SAMMSON: variants seen among roughly 807,000 people sequenced by gnomAD.
The protein encoded by SAMMSON is survival associated mitochondrial melanoma specific oncogenic non-coding RNA.
intron 4 of SAMMSON, among the ~76,000 whole-genome samples, chr3:70,163,311 C>CTA (rs1210395270): frequency 1.4e-5 from 2 of 146,708 alleles, no homozygotes; most frequent in African/African-American, 2.5e-5. Flanking sequence ...TAAATCAGAA[C>CTA]TATATATATA....
intron 6 of SAMMSON, among the ~76,000 whole-genome samples, chr3:70,253,740 C>T (rs1701790398): frequency 6.6e-6 from 1 of 151,764 alleles, no homozygotes. Flanking sequence ...AGTAAAAATA[C>T]AAATAAAAAA....
intron 6 of SAMMSON, among the ~76,000 whole-genome samples, chr3:70,287,383 C>G (rs998655249): frequency 5.3e-5 from 8 of 150,884 alleles, no homozygotes; most frequent in African/African-American, 2.0e-4. Flanking sequence ...TATATTGAAC[C>G]AGCCTTGCAT....
intron 2 of SAMMSON, among the ~76,000 whole-genome samples, chr3:70,405,663 A>C (rs1162704937): frequency 4.6e-5 from 7 of 152,344 alleles, no homozygotes; most frequent in African/African-American, 1.7e-4. Context: ...TTAAGAACAA[A>C]AAGCTTGAAG....
chr3:70,069,387 T>A (rs1419601649), intron 3 of SAMMSON: 1 of 152,164 alleles, frequency 6.6e-6, no homozygotes, highest in African/African-American at 2.4e-5. Context: ...ACCTGACTTC[T>A]ACCTTTTAAG....
chr3:70,211,265 C>G (rs1406873642), intron 4 of SAMMSON, among the ~76,000 whole-genome samples: 1 of 149,106 alleles, frequency 6.7e-6, no homozygotes, highest in Non-Finnish European at 1.5e-5. Context: ...GCTTTTCTTT[C>G]TCCATTCCCT....
chr3:70,223,868 C>T (rs1701480695), intron 4 of SAMMSON, among the ~76,000 whole-genome samples: 1 of 151,996 alleles, frequency 6.6e-6, no homozygotes, highest in African/African-American at 2.4e-5. Context: ...TTTTTTCTCC[C>T]TTTATCGTGC....
At chr3:70,254,068 A>G (rs1354814000) in intron 6 of SAMMSON, among the ~76,000 whole-genome samples, 1 of 152,182 alleles carries the variant, frequency 6.6e-6, no homozygotes, top group Admixed American at 6.5e-5. Context: ...GTTATTTAGT[A>G]GGCATATTTA....
chr3:70,115,738 C>G (rs903554967), intron 4 of SAMMSON, among the ~76,000 whole-genome samples: 2 of 151,994 alleles, frequency 1.3e-5, no homozygotes, highest in African/African-American at 4.8e-5. Context: ...TATTCTTGTC[C>G]CAACCTAGTT....
chr3:70,416,708 C>T (rs1256235615), intron 2 of SAMMSON, among the ~76,000 whole-genome samples: 2 of 152,048 alleles, frequency 1.3e-5, no homozygotes, highest in African/African-American at 4.8e-5. Context: ...TCACCCCACC[C>T]TCATCTTAAA....
At chr3:70,201,686 C>T (rs1291912031) in intron 4 of SAMMSON, among the ~76,000 whole-genome samples, 1 of 152,184 alleles carries the variant, frequency 6.6e-6, no homozygotes, top group Non-Finnish European at 1.5e-5. Context: ...AGGAATCCAA[C>T]CTGCCTTCCA....
At chr3:70,163,795 CA>C (rs2067626015) in intron 4 of SAMMSON, among the ~76,000 whole-genome samples, 1 of 151,896 alleles carries the variant, frequency 6.6e-6, no homozygotes, top group Admixed American at 6.6e-5. Flanking sequence ...CTGAAGTTCC[CA>C]AATTGAAGTT....
At chr3:70,195,905 A>G (rs1436206545) in intron 4 of SAMMSON, among the ~76,000 whole-genome samples, 1 of 152,194 alleles carries the variant, frequency 6.6e-6, no homozygotes, top group African/African-American at 2.4e-5. Flanking sequence ...TTTTTCTTAA[A>G]AAAATAAGTA....
chr3:70,360,470 G>T (rs1012911954), intron 9 of SAMMSON, among the ~76,000 whole-genome samples: 2 of 152,012 alleles, frequency 1.3e-5, no homozygotes, highest in African/African-American at 4.8e-5. Context: ...TTAAACTGAG[G>T]CACCAGGGGA....
intron 2 of SAMMSON, among the ~76,000 whole-genome samples, chr3:70,418,405 C>A (rs73837924): frequency 6.6e-6 from 1 of 152,152 alleles, no homozygotes; most frequent in Non-Finnish European, 1.5e-5. Flanking sequence ...TGTATTATCT[C>A]GGAATGGGGT....
At position 70,410,060 on chromosome 3, in the gene SAMMSON, T is replaced by C. The variant is rs528388731; in HGVS notation, n.233+51736T>C. Among the ~76,000 whole-genome samples, 3 of 152,284 alleles carry C rather than the reference T, an allele frequency of 2.0e-5. No homozygotes were observed. In the South Asian group the frequency reaches 6.2e-4, roughly 32 times the overall value. On this transcript the variant is annotated intron_variant and non_coding_transcript_variant, in intron 2 of 3. Coordinates refer to the SAMMSON transcript ENST00000641053. ...TTAAACCTGTTGTTATTATGTCCTT[T>C]AGAACCTTGACTTTTGATCCACAAG...
At chr3:70,054,324 C>T (rs2067158310) in intron 3 of SAMMSON, among the ~76,000 whole-genome samples, 1 of 152,074 alleles carries the variant, frequency 6.6e-6, no homozygotes, top group Non-Finnish European at 1.5e-5. Flanking sequence ...CCTTTAAAAG[C>T]AGTAATACCC....
At chr3:70,127,483 T>C (rs188997873) in intron 4 of SAMMSON, among the ~76,000 whole-genome samples, 27 of 152,314 alleles carry the variant, frequency 1.8e-4, no homozygotes, top group African/African-American at 5.5e-4. Flanking sequence ...AAGTTGATAA[T>C]GGCTGCATTT....
intron 3 of SAMMSON, among the ~76,000 whole-genome samples, chr3:70,051,444 T>TAGAATG (rs2067145809): frequency 6.9e-6 from 1 of 145,194 alleles, no homozygotes; most frequent in African/African-American, 2.5e-5. Flanking sequence ...TTTTTGCCAT[T>TAGAATG]CTAATGGCAA....
At chr3:70,238,882 T>C (rs755380777) in intron 4 of SAMMSON, among the ~76,000 whole-genome samples, 11 of 152,202 alleles carry the variant, frequency 7.2e-5, no homozygotes, top group South Asian at 2.1e-4. Flanking sequence ...TTTTATATAT[T>C]TCTTCTGACT....
Sources: gnomAD v4.1 joint callset for allele counts (sites outside exome capture counted in the v4.1 genomes callset) on GRCh38, gnomAD v4.1.1 for gene constraint, MANE v1.5 for transcripts, NCBI Gene and HGNC (gene_info 2026-07-23, HGNC 2026-07-21) for gene names.